The following TLE1 variants were observed in gnomAD, a reference collection of about 807,000 sequenced individuals.
TLE1 encodes the protein TLE family member 1, transcriptional corepressor.
Under a neutral mutation model 89.8 loss-of-function variants are expected in TLE1, and 21 were observed. The ratio of observed to expected loss-of-function variants is 0.23; its 90% CI spans 0.17 to 0.34. The LOEUF (loss-of-function observed/expected upper bound fraction) is 0.34. Ranked by LOEUF, TLE1 falls within the 10% of genes least tolerant of loss-of-function variation. The pLI is 1.00. For synonymous variants in TLE1, 447 were observed against 407.6 expected (o/e 1.10, Z -1.16); for missense variants, 795 against 1,031.2 (o/e 0.77, Z 3.14).
intron 4 of TLE1, among the ~76,000 whole-genome samples, chr9:81,673,246 C>T (rs961917879): frequency 8.0e-5 from 11 of 136,702 alleles, no homozygotes; most frequent in Non-Finnish European, 1.5e-4. Context: ...GCACTCCAGC[C>T]TGGGGGACAA....
At position 81,688,657 on chromosome 9, in the gene TLE1, G is replaced by C. The variant is rs62576223; in HGVS notation, c.-417C>G. On this transcript the variant is annotated 5_prime_UTR_variant, in exon 1 of 20. Coordinates refer to ENST00000376499, the MANE Select transcript of TLE1 (RefSeq NM_005077.5). ...AGTCCTGGGCAAACAAATCCAGACGGACTGCTTTTCTTTGCTCTTCTCCTG... is the reference window on the plus strand; with the variant it reads ...AGTCCTGGGCAAACAAATCCAGACGCACTGCTTTTCTTTGCTCTTCTCCTG... The C allele has an allele frequency of 1.7e-5, 3 of 181,768 alleles. No individual in the cohort carries two copies. The highest frequency in any genetic ancestry group is 7.0e-5 in the African/African-American group (3 of 42,710). 11.3% of individuals were successfully genotyped at this position (181,768 alleles called of 1,614,324 possible).
intron 6 of TLE1, among the ~76,000 whole-genome samples, chr9:81,641,475 G>C (rs1190427006): frequency 1.3e-5 from 2 of 152,066 alleles, no homozygotes; most frequent in Non-Finnish European, 2.9e-5. Flanking sequence ...CTCAATGCAG[G>C]AGCACACAGA....
intron 4 of TLE1, among the ~76,000 whole-genome samples, chr9:81,680,336 C>T (rs1490324995): frequency 6.6e-6 from 1 of 152,192 alleles, no homozygotes; most frequent in Non-Finnish European, 1.5e-5. Context: ...GAGGGGGAGG[C>T]AAGGGAGGTG....
intron 7 of TLE1, chr9:81,633,705 G>A (rs1309258997): frequency 8.4e-6 from 4 of 474,322 alleles, no homozygotes; most frequent in Admixed American, 3.5e-5. Flanking sequence ...AGTAACAGAT[G>A]CAATTATCAA....
At chr9:81,618,151 T>C (rs1018806963) in intron 9 of TLE1, among the ~76,000 whole-genome samples, 2 of 152,200 alleles carry the variant, frequency 1.3e-5, no homozygotes, top group East Asian at 1.9e-4. Flanking sequence ...TAATACATTA[T>C]ACAATGTAGG....
intron 14 of TLE1, chr9:81,599,956 G>A: frequency 3.6e-6 from 2 of 552,990 alleles, no homozygotes; most frequent in Non-Finnish European, 6.6e-6. Context: ...TGTAAAAGAA[G>A]ATTACAAGCA....
At chr9:81,677,564 C>CAAAAAAAAAA (rs60091510) in intron 4 of TLE1, among the ~76,000 whole-genome samples, 1 of 85,600 alleles carries the variant, frequency 1.2e-5, no homozygotes, top group Non-Finnish European at 2.2e-5. Context: ...GACTCCATCT[C>CAAAAAAAAAA]AAAAAAAAAA....
chr9:81,670,228 G>A (rs1249558084), intron 4 of TLE1, among the ~76,000 whole-genome samples: 1 of 152,146 alleles, frequency 6.6e-6, no homozygotes, highest in Non-Finnish European at 1.5e-5. Flanking sequence ...ATATTAACCA[G>A]TATGCGACAA....
rs964522098 is a variant in TLE1 at position 81,649,165 on chromosome 9, G to A, written c.372+3049C>T. Among the ~76,000 whole-genome samples, 8 of 152,274 alleles carry A rather than the reference G, an allele frequency of 5.3e-5. 1 individual carries two copies. Among genetic ancestry groups the A allele is most frequent in the Admixed American group, 4.6e-4 (7 of 15,290 alleles). On this transcript the variant is annotated intron_variant, in intron 6 of 19. Transcript: ENST00000376499. ...AGTCTCTCCAGTATCAAATACCTAA[G>A]AAGCTTATTTTTCTTAAATACCGGT... is the stretch of plus-strand genomic sequence containing the variant.
At chr9:81,686,412 T>C (rs535593701) in intron 2 of TLE1, among the ~76,000 whole-genome samples, 1 of 152,308 alleles carries the variant, frequency 6.6e-6, no homozygotes, top group South Asian at 2.1e-4. Flanking sequence ...ATAAAGTGGG[T>C]TGAAGTTCTC....
At chr9:81,634,378 C>A in intron 6 of TLE1, 77 bp from the exon 7 acceptor site, 2 of 1,245,668 alleles carry the variant, frequency 1.6e-6, no homozygotes, top group African/African-American at 3.0e-5. Flanking sequence ...ATGGAGGCGG[C>A]ATCCAGGGGA....
At chr9:81,585,806 C>T (rs904775520) in intron 17 of TLE1, 151 bp from the exon 18 acceptor site, 8 of 889,432 alleles carry the variant, frequency 9.0e-6, no homozygotes, top group Middle Eastern at 2.5e-4. Flanking sequence ...AGTGATCTAA[C>T]GCAGATGAAC....
In TLE1 at chr9:81,655,059, G is replaced by A. The variant is rs115504888; in HGVS notation, c.235-1023C>T. Among the ~76,000 whole-genome samples, 1,001 of 152,174 alleles carry A rather than the reference G, an allele frequency of 6.6e-3. 12 individuals are homozygous for A. Among genetic ancestry groups the A allele is most frequent in the African/African-American group, 0.022 (929 of 41,534 alleles). The stretch of plus-strand genomic sequence containing the variant: ...AAGGTGTCCTTAGTGTCTATAGCAC[G>A]GGCTGTTTTAAAGAAGGCAGGAAAG... On this transcript the variant is annotated intron_variant, in intron 4 of 19. Coordinates refer to ENST00000376499, the MANE Select transcript of TLE1 (RefSeq NM_005077.5).
chr9:81,659,035 A>G (rs1364461527), intron 4 of TLE1, among the ~76,000 whole-genome samples: 2 of 151,980 alleles, frequency 1.3e-5, no homozygotes, highest in African/African-American at 4.8e-5. Context: ...CAGCCTCGCG[A>G]GTAGCTGGGA....
chr9:81,649,677 G>A (rs546550229), intron 6 of TLE1, among the ~76,000 whole-genome samples: 3 of 152,228 alleles, frequency 2.0e-5, no homozygotes, highest in East Asian at 3.9e-4. Context: ...GAACAATACT[G>A]ACAGCTGCTA....
intron 4 of TLE1, among the ~76,000 whole-genome samples, chr9:81,674,081 TA>T (rs1390990872): frequency 2.0e-5 from 3 of 152,154 alleles, no homozygotes; most frequent in African/African-American, 7.2e-5. Flanking sequence ...TTTTGTTCTC[TA>T]AATCAATTTT....
chr9:81,655,927 C>T (rs1180288910), intron 4 of TLE1, among the ~76,000 whole-genome samples: 2 of 151,846 alleles, frequency 1.3e-5, no homozygotes, highest in Non-Finnish European at 2.9e-5. Context: ...AAAACAGCAG[C>T]CTTGTATCTT....
chr9:81,587,252 G>T (rs1828633457), intron 17 of TLE1, among the ~76,000 whole-genome samples: 1 of 152,168 alleles, frequency 6.6e-6, no homozygotes, highest in African/African-American at 2.4e-5. Context: ...TTTCAGAGGA[G>T]CTGTGACTTT....
chr9:81,609,786 C>A (rs942378888), intron 14 of TLE1, among the ~76,000 whole-genome samples: 2 of 152,182 alleles, frequency 1.3e-5, no homozygotes, highest in Admixed American at 1.3e-4. Flanking sequence ...TGGCACAGAG[C>A]TGAGTAAAGA....
Sources: allele counts gnomAD v4.1 joint callset (sites outside exome capture counted in the v4.1 genomes callset), GRCh38; gene constraint gnomAD v4.1.1; transcripts MANE v1.5; gene names NCBI Gene and HGNC (gene_info 2026-07-23, HGNC 2026-07-21).